The following RAB3C variants were observed in gnomAD, a reference collection of about 807,000 sequenced individuals.
RAB3C encodes the protein RAB3C, member RAS oncogene family, also known as ras-related protein Rab-3C.
RAB3C carries 17 observed loss-of-function variants against 26.4 expected under a neutral mutation model. The ratio of observed to expected loss-of-function variants is 0.64; its 90% CI spans 0.44 to 0.97. The LOEUF (loss-of-function observed/expected upper bound fraction) is 0.97, where lower values mean the gene tolerates loss of function less well. Ranked by LOEUF, RAB3C falls within the 50% of genes least tolerant of loss-of-function variation. The pLI, the probability that RAB3C is intolerant of heterozygous loss-of-function variation, is 0.00. For missense variants in RAB3C, 242 were observed against 281.9 expected (o/e 0.86, Z 1.01); for synonymous variants, 91 against 95.9 (o/e 0.95, Z 0.30).
At chr5:58,769,512 A>G (rs1261076125) in intron 3 of RAB3C, among the ~76,000 whole-genome samples, 1 of 152,124 alleles carries the variant, frequency 6.6e-6, no homozygotes, top group Non-Finnish European at 1.5e-5. Context: ...TGCTTGAAAA[A>G]ATAAAGAGAA....
At chr5:58,630,856 A>G (rs929800846) in intron 2 of RAB3C, among the ~76,000 whole-genome samples, 6 of 152,198 alleles carry the variant, frequency 3.9e-5, no homozygotes, top group African/African-American at 1.4e-4. Context: ...ATTTATCACA[A>G]GGGGCACTTC....
intron 2 of RAB3C, among the ~76,000 whole-genome samples, chr5:58,657,524 G>A (rs566638836): frequency 1.3e-5 from 2 of 152,298 alleles, no homozygotes; most frequent in East Asian, 3.9e-4. Flanking sequence ...CAGTACAATA[G>A]CTCTTAGGAG....
At chr5:58,698,468 G>A (rs1748766649) in intron 2 of RAB3C, among the ~76,000 whole-genome samples, 1 of 152,098 alleles carries the variant, frequency 6.6e-6, no homozygotes, top group African/African-American at 2.4e-5. Context: ...TTGAATGTTG[G>A]CTTTGCTTGC....
chr5:58,754,531 G>A (rs568960670), intron 3 of RAB3C, among the ~76,000 whole-genome samples: 1 of 152,100 alleles, frequency 6.6e-6, no homozygotes, highest in African/African-American at 2.4e-5. Flanking sequence ...CAGGAAGAGA[G>A]GTAACTTTTG....
chr5:58,676,486 G>A (rs1214478921), intron 2 of RAB3C, among the ~76,000 whole-genome samples: 3 of 152,020 alleles, frequency 2.0e-5, no homozygotes, highest in Non-Finnish European at 4.4e-5. Context: ...GTGGGCAACA[G>A]AGCAAGACTC....
Position 58,639,640 on chromosome 5 carries a change from T to C in RAB3C, c.252+21770T>C, listed in dbSNP as rs555156039. On this transcript the variant is annotated intron_variant, in intron 2 of 4. Transcript: ENST00000282878. Reference sequence around the variant, plus strand: ...CCACAGGCCTCGCCTCCAAATGTCATCACGCTGGGGATTAGGGCTTCAATA... The same window carrying C: ...CCACAGGCCTCGCCTCCAAATGTCACCACGCTGGGGATTAGGGCTTCAATA... 7.8e-4 allele frequency among the ~76,000 whole-genome samples: 119 copies of C among 152,246 alleles called. 1 individual carries two copies. Among genetic ancestry groups the C allele is most frequent in the African/African-American group, 2.7e-3 (113 of 41,536 alleles).
At chr5:58,647,124 A>T (rs1427575229) in intron 2 of RAB3C, among the ~76,000 whole-genome samples, 1 of 152,234 alleles carries the variant, frequency 6.6e-6, no homozygotes, top group African/African-American at 2.4e-5. Context: ...AATTAAAAGT[A>T]AAGTCAGCTC....
chr5:58,716,212 G>A (rs1463874304), intron 2 of RAB3C, among the ~76,000 whole-genome samples: 2 of 151,914 alleles, frequency 1.3e-5, no homozygotes, highest in South Asian at 4.1e-4. Flanking sequence ...GATTATTTTA[G>A]CATGAACAAT....
At chr5:58,703,503 T>C (rs925083481) in intron 2 of RAB3C, among the ~76,000 whole-genome samples, 2 of 152,218 alleles carry the variant, frequency 1.3e-5, no homozygotes, top group African/African-American at 4.8e-5. Context: ...TTTGTAATCA[T>C]ATTTCTGATG....
chr5:58,719,009 G>C (rs1345170013), intron 2 of RAB3C, among the ~76,000 whole-genome samples: 1 of 151,988 alleles, frequency 6.6e-6, no homozygotes, highest in African/African-American at 2.4e-5. Flanking sequence ...CTTGGGAGAA[G>C]TATTAATGAC....
intron 3 of RAB3C, among the ~76,000 whole-genome samples, chr5:58,802,367 G>A (rs1041062043): frequency 6.6e-5 from 10 of 152,184 alleles, no homozygotes; most frequent in Non-Finnish European, 1.3e-4. Context: ...TTGTGCATCT[G>A]AGAAAATGCA....
chr5:58,614,776 A>G (rs1292822120), intron 1 of RAB3C, among the ~76,000 whole-genome samples: 3 of 152,130 alleles, frequency 2.0e-5, no homozygotes, highest in African/African-American at 7.2e-5. Flanking sequence ...TTCACCCTTC[A>G]TATACATGAG....
intron 2 of RAB3C, among the ~76,000 whole-genome samples, chr5:58,655,972 T>C (rs1357142238): frequency 2.0e-5 from 3 of 151,978 alleles, no homozygotes; most frequent in Admixed American, 2.0e-4. Flanking sequence ...AATTTTTTTG[T>C]ATTTTTAGTA....
At chr5:58,694,147 A>G (rs1172831286) in intron 2 of RAB3C, among the ~76,000 whole-genome samples, 1 of 151,982 alleles carries the variant, frequency 6.6e-6, no homozygotes, top group African/African-American at 2.4e-5. Flanking sequence ...AAGTGATCTC[A>G]TTGTTCAATT....
At chr5:58,768,813 T>C (rs565677059) in intron 3 of RAB3C, among the ~76,000 whole-genome samples, 9 of 152,116 alleles carry the variant, frequency 5.9e-5, no homozygotes, top group Non-Finnish European at 7.4e-5. Flanking sequence ...GGGGTCCCTT[T>C]GAGCCACGGC....
intron 2 of RAB3C, among the ~76,000 whole-genome samples, chr5:58,686,170 C>G (rs570051059): frequency 6.8e-4 from 104 of 152,112 alleles, no homozygotes; most frequent in Non-Finnish European, 1.1e-3. Flanking sequence ...CAGGAAGTAC[C>G]ATAATTCAAG....
At chr5:58,838,828 T>C (rs1743806989) in intron 4 of RAB3C, among the ~76,000 whole-genome samples, 1 of 152,214 alleles carries the variant, frequency 6.6e-6, no homozygotes, top group South Asian at 2.1e-4. Context: ...ATTATATCAC[T>C]GGGGTCTATC....
At chr5:58,796,622 GACT>G (rs1742655732) in intron 3 of RAB3C, among the ~76,000 whole-genome samples, 10 of 152,180 alleles carry the variant, frequency 6.6e-5, no homozygotes, top group Non-Finnish European at 1.2e-4. Flanking sequence ...GGCACCTGGA[GACT>G]GTCATGCAGG....
At chr5:58,619,531 C>T (rs1382192756) in intron 2 of RAB3C, among the ~76,000 whole-genome samples, 1 of 152,196 alleles carries the variant, frequency 6.6e-6, no homozygotes, top group Admixed American at 6.5e-5. Context: ...CATCCCTTAA[C>T]TCCATGACAA....
Sources: allele counts gnomAD v4.1 joint callset (sites outside exome capture counted in the v4.1 genomes callset), GRCh38; gene constraint gnomAD v4.1.1; transcripts MANE v1.5; gene names NCBI Gene and HGNC (gene_info 2026-07-23, HGNC 2026-07-21).